ATRX: variants seen among roughly 807,000 people sequenced by gnomAD.
ATRX encodes chromatin remodeler ATRX.
ATRX carries 12 observed loss-of-function variants against 172.6 expected under a neutral mutation model. The observed-to-expected ratio is 0.07, with a 90% CI of 0.04 to 0.11. The LOEUF (loss-of-function observed/expected upper bound fraction) is 0.11. Ranked by LOEUF, ATRX falls within the 10% of genes least tolerant of loss-of-function variation. ATRX has a pLI of 1.00. For missense variants in ATRX, 1,368 were observed against 1,767.4 expected, an observed-to-expected ratio of 0.77 and a Z score of 4.05; for synonymous variants, 674 against 594.7, an observed-to-expected ratio of 1.13 and a Z score of -1.94.
chrX:77,663,696 C>A, intron 11 of ATRX, 138 bp from the exon 12 acceptor site: 1 of 491,973 alleles, frequency 2.0e-6, no homozygotes. Flanking sequence ...TTGGTGTTAT[C>A]AGGTAATCTC....
At chrX:77,519,211 A>G (rs1486975096) in intron 34 of ATRX, among the ~76,000 whole-genome samples, 1 of 111,856 alleles carries the variant, frequency 8.9e-6, no homozygotes, top group African/African-American at 3.3e-5. Context: ...AGGCGAAGAG[A>G]CAACCCACAG....
chrX:77,581,185 A>C lies in ATRX; in HGVS notation c.6218-6827T>G, dbSNP rs782084886. Among the ~76,000 whole-genome samples, 4 of 111,682 alleles carry C rather than the reference A, an allele frequency of 3.6e-5. No homozygotes were observed. The South Asian group carries it at 1.5e-3, about 41-fold the overall frequency. On this transcript the variant is annotated intron_variant, in intron 27 of 34. Coordinates refer to ENST00000373344, the MANE Select transcript of ATRX (RefSeq NM_000489.6). ...GAGCCCAAAAAACAACTAGAAAACA[A>C]ATAACAAAATGGCAGGAGTAGGTCC...
intron 25 of ATRX, chrX:77,595,405 G>A (rs1390703047): frequency 9.0e-6 from 1 of 111,408 alleles, no homozygotes; most frequent in Non-Finnish European, 1.9e-5. Flanking sequence ...TTTCAGTTTC[G>A]GATCTTTTAG....
At chrX:77,757,243 C>T in intron 1 of ATRX, among the ~76,000 whole-genome samples, 1 of 111,596 alleles carries the variant, frequency 9.0e-6, no homozygotes, top group Middle Eastern at 4.6e-3. Flanking sequence ...GTATTGTCTC[C>T]ACTGCACACA....
At chrX:77,547,808 T>C (rs1383174505) in intron 30 of ATRX, among the ~76,000 whole-genome samples, 1 of 111,495 alleles carries the variant, frequency 9.0e-6, no homozygotes, top group East Asian at 2.8e-4. Context: ...TTAGCTGAGA[T>C]GATCTCCTCT....
At chrX:77,686,052 G>A (rs1280681181) in intron 7 of ATRX, among the ~76,000 whole-genome samples, 5 of 111,651 alleles carry the variant, frequency 4.5e-5, no homozygotes, top group Admixed American at 1.9e-4. Context: ...ACAAGAAGCT[G>A]GGAAAGGTAG....
intron 1 of ATRX, among the ~76,000 whole-genome samples, chrX:77,747,028 T>C (rs2075108987): frequency 1.8e-5 from 2 of 109,991 alleles, no homozygotes; most frequent in South Asian, 7.9e-4. Context: ...CTCGATCTCC[T>C]AACCTCGTGA....
chrX:77,546,010 C>A (rs1343122325), intron 30 of ATRX, among the ~76,000 whole-genome samples: 1 of 111,288 alleles, frequency 9.0e-6, no homozygotes, highest in African/African-American at 3.3e-5. Context: ...ATATTATACA[C>A]CTTGATAACA....
chrX:77,578,163 G>A (rs928581524), intron 27 of ATRX, among the ~76,000 whole-genome samples: 1 of 111,739 alleles, frequency 8.9e-6, no homozygotes, highest in Non-Finnish European at 1.9e-5. Context: ...TTGAGTTTTA[G>A]TAAGTCACGC....
intron 34 of ATRX, among the ~76,000 whole-genome samples, chrX:77,512,918 C>A (rs1050021896): frequency 1.9e-4 from 21 of 110,673 alleles, no homozygotes; most frequent in African/African-American, 6.2e-4. Context: ...CAGAAAATTG[C>A]TTTAACTAAA....
chrX:77,508,733 G>A, intron 34 of ATRX, 104 bp from the exon 35 acceptor site: 1 of 872,631 alleles, frequency 1.1e-6, no homozygotes, highest in East Asian at 3.1e-5. Flanking sequence ...CATACCAAAA[G>A]GAAAACACAT....
At chrX:77,721,325 A>G (rs1557168928) in intron 1 of ATRX, among the ~76,000 whole-genome samples, 1 of 111,672 alleles carries the variant, frequency 9.0e-6, no homozygotes, top group Non-Finnish European at 1.9e-5. Flanking sequence ...AGTTCTGGCC[A>G]GGGCATTTAG....
At chrX:77,533,739 T>C (rs1557047329) in intron 30 of ATRX, among the ~76,000 whole-genome samples, 2 of 111,104 alleles carry the variant, frequency 1.8e-5, no homozygotes, top group Non-Finnish European at 3.8e-5. Flanking sequence ...CACATTTACC[T>C]GCATAACAAA....
chrX:77,758,261 G>A (rs2075583342), intron 1 of ATRX, among the ~76,000 whole-genome samples: 1 of 106,319 alleles, frequency 9.4e-6, no homozygotes, highest in Non-Finnish European at 1.9e-5. Flanking sequence ...GTGGTGGCGG[G>A]CGCCTGTAAT....
chrX:77,676,917 T>G (rs1395295834), intron 9 of ATRX, among the ~76,000 whole-genome samples: 12 of 110,682 alleles, frequency 1.1e-4, no homozygotes, highest in Non-Finnish European at 3.8e-5. Context: ...AGGTCAGGAG[T>G]TCCAGACCAG....
chrX:77,532,836 G>C (rs1308185166), intron 30 of ATRX, among the ~76,000 whole-genome samples: 1 of 111,714 alleles, frequency 9.0e-6, no homozygotes, highest in Non-Finnish European at 1.9e-5. Flanking sequence ...CAAAAGAAAC[G>C]ATCATCAGAG....
chrX:77,512,192 G>GAACA (rs1303942913), intron 34 of ATRX, among the ~76,000 whole-genome samples: 1 of 111,475 alleles, frequency 9.0e-6, no homozygotes, highest in East Asian at 2.8e-4. Flanking sequence ...AGGGGTGAAG[G>GAACA]AACAAACAAA....
At chrX:77,643,942 C>A (rs928721445) in intron 15 of ATRX, among the ~76,000 whole-genome samples, 1 of 110,055 alleles carries the variant, frequency 9.1e-6, no homozygotes, top group Non-Finnish European at 1.9e-5. Context: ...AAAAAAAAAG[C>A]CTTCTTTTAT....
At chrX:77,694,904 G>T (rs1235792211) in intron 5 of ATRX, among the ~76,000 whole-genome samples, 1 of 61,891 alleles carries the variant, frequency 1.6e-5, no homozygotes, top group African/African-American at 6.8e-5. Context: ...GAAAGGGTGG[G>T]GGGGGGGAGG....
Sources: allele counts gnomAD v4.1 joint callset (sites outside exome capture counted in the v4.1 genomes callset), GRCh38; gene constraint gnomAD v4.1.1; transcripts MANE v1.5; gene names NCBI Gene and HGNC (gene_info 2026-07-23, HGNC 2026-07-21).